The following SYT16 variants were observed in gnomAD, a reference collection of about 807,000 sequenced individuals.
SYT16 encodes synaptotagmin 16.
Under a neutral mutation model 61.4 loss-of-function variants are expected in SYT16, and 42 were observed. The observed-to-expected ratio is 0.68, with a 90% CI of 0.53 to 0.89. The LOEUF (loss-of-function observed/expected upper bound fraction) is 0.89, where lower values mean the gene tolerates loss of function less well. SYT16 is among the 40% of genes least tolerant of loss of function. The probability of loss-of-function intolerance (pLI) is 0.00; values close to 1 mark genes in which losing one functional copy is unlikely to be tolerated. For synonymous variants in SYT16, 314 were observed against 302.3 expected (o/e 1.04, Z -0.40); for missense variants, 804 against 807.3 (o/e 1.00, Z 0.05).
chr14:62,009,053 T>C (rs2053339902), intron 3 of SYT16, among the ~76,000 whole-genome samples: 1 of 152,160 alleles, frequency 6.6e-6, no homozygotes, highest in Non-Finnish European at 1.5e-5. Flanking sequence ...TAAATTTCCT[T>C]CCCTTCCCTT....
chr14:61,872,761 G>A (rs2047369087), intron 1 of SYT16, among the ~76,000 whole-genome samples: 2 of 152,208 alleles, frequency 1.3e-5, no homozygotes, highest in Non-Finnish European at 2.9e-5. Context: ...CGTTGGTTCA[G>A]CTGCCCTCAT....
At chr14:62,058,260 A>G (rs1225212403) in intron 3 of SYT16, among the ~76,000 whole-genome samples, 1 of 151,266 alleles carries the variant, frequency 6.6e-6, no homozygotes, top group Admixed American at 6.6e-5. Context: ...TTGTGTGAAC[A>G]TGTGTCTTTG....
intron 1 of SYT16, among the ~76,000 whole-genome samples, chr14:61,922,174 A>G (rs2209226): frequency 0.19 from 28,713 of 152,174 alleles, 3,395 homozygotes; most frequent in East Asian, 0.35. Flanking sequence ...TAGCAATCCT[A>G]TTACTGGGTA....
chr14:62,016,106 A>T (rs778529922), intron 3 of SYT16, among the ~76,000 whole-genome samples: 2 of 152,104 alleles, frequency 1.3e-5, no homozygotes, highest in Non-Finnish European at 2.9e-5. Context: ...GTGTCTCTTG[A>T]TGTGTTCTGG....
chr14:61,853,374 A>T (rs993214656), intron 1 of SYT16, among the ~76,000 whole-genome samples: 3 of 152,166 alleles, frequency 2.0e-5, no homozygotes, highest in Non-Finnish European at 2.9e-5. Flanking sequence ...TGAGAAACCT[A>T]CTGTTATGGT....
intron 3 of SYT16, among the ~76,000 whole-genome samples, chr14:62,008,631 C>CTT (rs374026559): frequency 4.2e-4 from 57 of 134,940 alleles, no homozygotes; most frequent in African/African-American, 5.6e-4. Flanking sequence ...TTTCTGTTTT[C>CTT]TTTTTTTTTT....
intron 1 of SYT16, among the ~76,000 whole-genome samples, chr14:61,967,148 T>C (rs182594624): frequency 3.3e-5 from 5 of 151,820 alleles, no homozygotes; most frequent in Admixed American, 3.3e-4. Flanking sequence ...TCCCAGGGAG[T>C]TGAAATATGC....
chr14:61,830,385 T>C (rs55650753), intron 1 of SYT16, among the ~76,000 whole-genome samples: 1 of 152,172 alleles, frequency 6.6e-6, no homozygotes, highest in Non-Finnish European at 1.5e-5. Flanking sequence ...TCATGTCTTA[T>C]TCACTTTTGT....
intron 1 of SYT16, among the ~76,000 whole-genome samples, chr14:61,888,170 T>C (rs1160249381): frequency 6.6e-6 from 1 of 150,568 alleles, no homozygotes; most frequent in African/African-American, 2.4e-5. Flanking sequence ...TGTCACCCAG[T>C]GCAGTGGCGT....
chr14:61,894,791 T>G (rs1358313539), intron 1 of SYT16, among the ~76,000 whole-genome samples: 2 of 152,204 alleles, frequency 1.3e-5, no homozygotes, highest in Non-Finnish European at 1.5e-5. Context: ...TAGGAAACCA[T>G]CATGTTTTTA....
chr14:62,082,152 G>A (rs554719013), intron 6 of SYT16, among the ~76,000 whole-genome samples: 9 of 152,244 alleles, frequency 5.9e-5, no homozygotes, highest in African/African-American at 1.7e-4. Context: ...AGGAGGATGA[G>A]AGTTCCAGAC....
At chr14:61,933,446 G>A in intron 1 of SYT16, among the ~76,000 whole-genome samples, 1 of 152,304 alleles carries the variant, frequency 6.6e-6, no homozygotes. Context: ...CTGAATGTAG[G>A]ACTGTATAGT....
chr14:61,855,308 G>C (rs1383225595), intron 1 of SYT16, among the ~76,000 whole-genome samples: 1 of 152,198 alleles, frequency 6.6e-6, no homozygotes, highest in African/African-American at 2.4e-5. Flanking sequence ...GATGTATACA[G>C]ATGCTCCTTG....
chr14:61,994,648 G>A (rs1439933765), intron 2 of SYT16, among the ~76,000 whole-genome samples: 1 of 152,184 alleles, frequency 6.6e-6, no homozygotes, highest in Non-Finnish European at 1.5e-5. Context: ...GGGAAGACAA[G>A]GAGGAGCCTG....
chr14:61,981,030 A>G (rs2052051344), intron 2 of SYT16, among the ~76,000 whole-genome samples: 1 of 152,048 alleles, frequency 6.6e-6, no homozygotes, highest in Admixed American at 6.6e-5. Flanking sequence ...GGAAGCTGGC[A>G]AGTGTTAAAT....
intron 3 of SYT16, among the ~76,000 whole-genome samples, chr14:62,034,984 C>A (rs1340342221): frequency 6.6e-6 from 1 of 152,176 alleles, no homozygotes; most frequent in Non-Finnish European, 1.5e-5. Flanking sequence ...GAGTGTCCTA[C>A]CCCGAAAGCT....
intron 1 of SYT16, among the ~76,000 whole-genome samples, chr14:61,887,505 A>G (rs1273737513): frequency 6.6e-6 from 1 of 152,212 alleles, no homozygotes; most frequent in Non-Finnish European, 1.5e-5. Context: ...CCTAGATGAT[A>G]TCTTCCAATA....
intron 3 of SYT16, among the ~76,000 whole-genome samples, chr14:62,014,923 A>G (rs141338123): frequency 6.6e-6 from 1 of 152,316 alleles, no homozygotes; most frequent in East Asian, 1.9e-4. Context: ...TGAAATACTA[A>G]GTACACTTTA....
chr14:61,869,674 TG>T (rs1172116981), intron 1 of SYT16, among the ~76,000 whole-genome samples: 4 of 152,212 alleles, frequency 2.6e-5, no homozygotes, highest in African/African-American at 9.6e-5. Context: ...TGATGGCATT[TG>T]TAGGTGAAAG....
Sources: gnomAD v4.1 joint callset for allele counts (sites outside exome capture counted in the v4.1 genomes callset) on GRCh38, gnomAD v4.1.1 for gene constraint, MANE v1.5 for transcripts, NCBI Gene and HGNC (gene_info 2026-07-23, HGNC 2026-07-21) for gene names.